The following RESF1 variants were observed in gnomAD, a reference collection of about 807,000 sequenced individuals.
RESF1 encodes gonad expressed transcript.
A neutral mutation model predicts 134.7 loss-of-function variants in RESF1; 65 were observed. That is an observed-to-expected ratio of 0.48 (90% CI 0.40 to 0.59). The LOEUF is 0.59. Ranked by LOEUF, RESF1 falls within the 20% of genes least tolerant of loss-of-function variation. The pLI is 0.00. For missense variants in RESF1, 2,274 were observed against 2,002.7 expected, an observed-to-expected ratio of 1.14 and a Z score of -2.59; for synonymous variants, 762 against 702.2, an observed-to-expected ratio of 1.09 and a Z score of -1.35.
At chr12:31,977,555 A>G (rs1243202101) in intron 3 of RESF1, among the ~76,000 whole-genome samples, 3 of 152,166 alleles carry the variant, frequency 2.0e-5, no homozygotes, top group Non-Finnish European at 2.9e-5. Context: ...CTTGCTGTGT[A>G]ATTGGATAAG....
In RESF1 at chr12:31,992,703, T is replaced by C. The variant is rs899746214; in HGVS notation, c.*168T>C. The C allele has an allele frequency of 1.2e-5, 8 of 670,180 alleles. No individual in the cohort carries two copies. Among genetic ancestry groups the C allele is most frequent in the Non-Finnish European group, 1.8e-5 (7 of 387,304 alleles). The allele number at this position is 670,180 out of a possible 1,614,324, so 41.5% of individuals were successfully genotyped here. ...CTTAATTAAAATGGCTTGAGAACTTTGGGTAGCCATGTGTAAGAAATGGAT... is the reference window on the plus strand; with the variant it reads ...CTTAATTAAAATGGCTTGAGAACTTCGGGTAGCCATGTGTAAGAAATGGAT... On this transcript the variant is annotated 3_prime_UTR_variant, in exon 6 of 6. Coordinates refer to ENST00000312561, the MANE Select transcript of RESF1 (RefSeq NM_018169.4).
intron 3 of RESF1, among the ~76,000 whole-genome samples, chr12:31,975,090 T>C (rs2120811829): frequency 1.3e-5 from 2 of 152,042 alleles, no homozygotes; most frequent in Middle Eastern, 6.8e-3. Context: ...TTGGCCAACA[T>C]GGTGAAACCC....
Position 31,985,788 on chromosome 12 carries a change from GAGAC to G in RESF1, c.4836_4839del (p.Gln1613LysfsTer10). The G allele has an allele frequency of 6.4e-7, 1 of 1,567,982 alleles. No homozygotes were observed. The highest frequency in any genetic ancestry group is 8.6e-7 in the Non-Finnish European group (1 of 1,165,052). On this transcript the variant is annotated frameshift_variant, in exon 4 of 6. Coordinates refer to ENST00000312561, the MANE Select transcript of RESF1 (RefSeq NM_018169.4). LOFTEE classifies it high-confidence loss of function. The stretch of plus-strand genomic sequence containing the variant: ...CACCCAGGAAGCTTCATAAAGATAA[GAGAC>G]AGGAAAATAAACATAAGACCTTTTT...
At chr12:31,969,511 A>G (rs1009971349) in intron 2 of RESF1, among the ~76,000 whole-genome samples, 2 of 152,230 alleles carry the variant, frequency 1.3e-5, no homozygotes, top group Non-Finnish European at 2.9e-5. Context: ...CTCAAAAAAA[A>G]TAAACCAAAA....
At chr12:31,978,479 C>A (rs1360366593) in intron 3 of RESF1, among the ~76,000 whole-genome samples, 2 of 151,978 alleles carry the variant, frequency 1.3e-5, no homozygotes, top group Non-Finnish European at 2.9e-5. Context: ...GTTTTAGCTA[C>A]CATTTATCAA....
In RESF1 at chr12:31,985,155, T is replaced by G. The variant is rs535889548; in HGVS notation, c.4200T>G (p.Ser1400Arg). 10 of 1,553,592 alleles carry G rather than the reference T, an allele frequency of 6.4e-6. No individual in the cohort carries two copies. The highest frequency in any genetic ancestry group is 1.7e-4 in the Middle Eastern group (1 of 5,750). The change falls in exon 4 of 6, where the codon AGT becomes AGG. Residue 1400 changes from serine to arginine, a missense_variant. By Grantham distance (110) the Ser-to-Arg change is moderately radical (BLOSUM62 -1). Transcript: ENST00000312561. ...ATGATAAACAAGAACAGAAAGGAAG[T>G]GTGGGAGCTACATTCAAATTAGGTG... ...KKHDKQEQKG[S>R]VGATFKLGDS...
At chr12:31,967,565 T>C (rs1209449499) in intron 2 of RESF1, among the ~76,000 whole-genome samples, 2 of 152,082 alleles carry the variant, frequency 1.3e-5, no homozygotes, top group Non-Finnish European at 2.9e-5. Context: ...CACCATTGAT[T>C]GGTTTTTTGT....
intron 5 of RESF1, among the ~76,000 whole-genome samples, chr12:31,991,796 C>T (rs1462258467): frequency 2.0e-5 from 3 of 152,164 alleles, no homozygotes; most frequent in African/African-American, 7.2e-5. Flanking sequence ...GATCTGCTTG[C>T]CTTGGCCTCC....
In RESF1 at chr12:31,981,768, G is replaced by A. The variant is rs772481164; in HGVS notation, c.813G>A (p.Thr271=). 3.3e-5 allele frequency: 53 copies of A among 1,613,544 alleles called. No homozygotes were observed. The highest frequency in any genetic ancestry group is 1.6e-4 in the Middle Eastern group (1 of 6,084). Residue 271 remains threonine (T), a synonymous_variant, in exon 4 of 6, where the codon ACG becomes ACA. Transcript: ENST00000312561. ...CTGTACCATCACAGCAGTATGCCAC[G>A]CAAACTGACAAAAGACCTCCTCCTC... The part of the protein sequence containing the change: ...TSAVPSQQYA[T]QTDKRPPPPP...
rs547893277 is a variant in RESF1 at position 31,979,554 on chromosome 12, A to T, written c.-78-1324A>T. Among the ~76,000 whole-genome samples the T allele has an allele frequency of 1.9e-3, 286 of 150,970 alleles. 1 individual carries two copies. The highest frequency in any genetic ancestry group is 4.1e-3 in the Admixed American group (63 of 15,184). On this transcript the variant is annotated intron_variant, in intron 3 of 5. Coordinates refer to ENST00000312561, the MANE Select transcript of RESF1 (RefSeq NM_018169.4). Reference sequence around the variant, plus strand: ...TCAATGTTCAAGAGTTTTGTTTTTTAAAAAAAACAGCCTTACTCTGTCACC... The same window carrying T: ...TCAATGTTCAAGAGTTTTGTTTTTTTAAAAAAACAGCCTTACTCTGTCACC...
rs1939478104 is a variant in RESF1 at position 31,970,317 on chromosome 12, G to A, written c.-118G>A. ...AAGAGAAGCAGAATTATACCTAGAA[G>A]TCTACTAATGGACAGTTAGTCACCC... On this transcript the variant is annotated 5_prime_UTR_variant, in exon 3 of 6. Coordinates refer to ENST00000312561, the MANE Select transcript of RESF1 (RefSeq NM_018169.4). The A allele has an allele frequency of 1.3e-5, 2 of 152,218 alleles. No individual in the cohort carries two copies. The highest frequency in any genetic ancestry group is 2.9e-5 in the Non-Finnish European group (2 of 68,036). The allele number at this position is 152,218 out of a possible 1,614,324, so 9.4% of individuals were successfully genotyped here.
At chr12:31,987,760 G>C (rs963068104) in intron 5 of RESF1, among the ~76,000 whole-genome samples, 17 of 151,596 alleles carry the variant, frequency 1.1e-4, no homozygotes, top group African/African-American at 3.6e-4. Context: ...TTTTGAGACA[G>C]AGTCTCACTC....
chr12:31,983,043 C>T lies in RESF1; in HGVS notation c.2088C>T (p.Leu696=), dbSNP rs371458909. The T allele has an allele frequency of 3.7e-6, 6 of 1,613,984 alleles. No individual in the cohort carries two copies. Among genetic ancestry groups the T allele is most frequent in the Middle Eastern group, 1.7e-4 (1 of 6,060 alleles). The part of the protein sequence containing the change: ...DTAKEKECDK[L]RTNTTAVGIS... ...CAAAAGAAAAGGAGTGTGATAAACT[C>T]AGAACAAACACAACAGCAGTTGGAA... The change falls in exon 4 of 6, where the codon CTC becomes CTT. Residue 696 remains leucine (L), a synonymous_variant. Transcript: ENST00000312561.
In RESF1 at chr12:31,984,176, G is replaced by A. The variant is rs775331097; in HGVS notation, c.3221G>A (p.Gly1074Asp). ...YGIEAVNTRE[G>D]SVGQQTTYQT... ...ATTGAGGCTGTGAATACACGTGAAG[G>A]TTCTGTGGGCCAGCAAACTACATAC... is the stretch of plus-strand genomic sequence containing the variant. The change falls in exon 4 of 6, where the codon GGT becomes GAT. Residue 1074 changes from glycine (G) to aspartate (D), a missense_variant. Gly to Asp is a moderately conservative substitution (Grantham distance 94). Transcript: ENST00000312561. The A allele has an allele frequency of 3.7e-6, 6 of 1,612,922 alleles. No individual in the cohort carries two copies. The Admixed American group carries it at 6.7e-5, about 18-fold the overall frequency.
rs2120864978 is a variant in RESF1, at chr12:31,983,037, TAAACTC to T, written c.2084_2089del (p.Lys695_Leu696del). ...ATACTGCAAAAGAAAAGGAGTGTGA[TAAACTC>T]AGAACAAACACAACAGCAGTTGGAA... On this transcript the variant is annotated inframe_deletion, in exon 4 of 6. Transcript: ENST00000312561. The T allele has an allele frequency of 6.2e-7, 1 of 1,614,054 alleles. No homozygotes were observed. Among genetic ancestry groups the T allele is most frequent in the South Asian group, 1.1e-5 (1 of 91,084 alleles).
chr12:31,978,712 ATT>A (rs35842957), intron 3 of RESF1, among the ~76,000 whole-genome samples: 7,861 of 121,740 alleles, frequency 0.065, 275 homozygotes, highest in Non-Finnish European at 0.086. Context: ...CACCCAGCTA[ATT>A]TTTTTTTTTT....
chr12:31,962,406 G>A (rs1820339930), intron 2 of RESF1: 1 of 152,152 alleles, frequency 6.6e-6, no homozygotes, highest in South Asian at 2.1e-4. Context: ...CATTCACTTT[G>A]GAAGAAGATT....
In RESF1 at chr12:31,981,918, A is replaced by G. The variant is rs1380661748; in HGVS notation, c.963A>G (p.Gln321=). Residue 321 remains glutamine (Q), a synonymous_variant, in exon 4 of 6, where the codon CAA becomes CAG. Transcript: ENST00000312561. The part of the protein sequence containing the change: ...MLSSEIRTSF[Q]QQWQNPNENV... ...CATCTGAAATAAGGACCAGCTTTCA[A>G]CAGCAGTGGCAAAACCCTAATGAAA... 1 of 1,614,228 alleles carries G rather than the reference A, an allele frequency of 6.2e-7. No individual in the cohort carries two copies.
In RESF1 at chr12:31,980,888, T is replaced by G. The variant is rs1373420507; in HGVS notation, c.-68T>G. On this transcript the variant is annotated 5_prime_UTR_variant, in exon 4 of 6. Coordinates refer to ENST00000312561, the MANE Select transcript of RESF1 (RefSeq NM_018169.4). ...CTTTATTTCTTACAGATTCCTGACATTCAGACAACTGACTTGTAACTGACT... is the reference window on the plus strand; with the variant it reads ...CTTTATTTCTTACAGATTCCTGACAGTCAGACAACTGACTTGTAACTGACT... The G allele has an allele frequency of 8.6e-7, 1 of 1,166,166 alleles. No individual in the cohort carries two copies. Among genetic ancestry groups the G allele is most frequent in the African/African-American group, 1.5e-5 (1 of 64,612 alleles). 72.2% of individuals were successfully genotyped at this position (1,166,166 alleles called of 1,614,324 possible).
Sources: allele counts gnomAD v4.1 joint callset (sites outside exome capture counted in the v4.1 genomes callset), GRCh38; gene constraint gnomAD v4.1.1; transcripts MANE v1.5; gene names NCBI Gene and HGNC (gene_info 2026-07-23, HGNC 2026-07-21).